TBCD: variants seen among roughly 807,000 people sequenced by gnomAD.
The protein encoded by TBCD is tubulin folding cofactor D.
In TBCD, 105 loss-of-function variants were observed where a neutral mutation model predicts 169.3. The ratio of observed to expected loss-of-function variants is 0.62; its 90% CI spans 0.53 to 0.73. The LOEUF (loss-of-function observed/expected upper bound fraction) is 0.73, where lower values mean the gene tolerates loss of function less well. Ranked by LOEUF, TBCD falls within the 30% of genes least tolerant of loss-of-function variation. TBCD has a pLI of 0.00. For missense variants in TBCD, 1,444 were observed against 1,600.1 expected, an observed-to-expected ratio of 0.90 and a Z score of 1.66; for synonymous variants, 700 against 643.9, an observed-to-expected ratio of 1.09 and a Z score of -1.32.
chr17:82,832,221 C>G lies in TBCD; in HGVS notation c.1318+17287C>G, dbSNP rs970233629. 8.1e-6 allele frequency: 13 copies of G among 1,614,222 alleles called. No individual in the cohort carries two copies. The Admixed American group carries it at 2.0e-4, about 25-fold the overall frequency. Reference sequence around the variant, plus strand: ...AGGCTGGCTTCGCCGTGGCATCGGGCTGGTTGGTTTGCTTGGGGTCTAGTG... The same window carrying G: ...AGGCTGGCTTCGCCGTGGCATCGGGGTGGTTGGTTTGCTTGGGGTCTAGTG... On this transcript the variant is annotated intron_variant, in intron 13 of 38. Coordinates refer to ENST00000355528, the MANE Select transcript of TBCD (RefSeq NM_005993.5). The surrounding 1 kb of genome is among the most constrained non-coding windows in gnomAD (Gnocchi z 4.9).
chr17:82,761,585 T>C (rs772113776), intron 2 of TBCD, among the ~76,000 whole-genome samples: 5 of 152,232 alleles, frequency 3.3e-5, no homozygotes, highest in Admixed American at 6.5e-5. Flanking sequence ...TAGTTTTGCC[T>C]GTTCTAGAAT....
chr17:82,941,727 TG>T (rs2063297568), intron 38 of TBCD: 2 of 524,060 alleles, frequency 3.8e-6, no homozygotes, highest in Non-Finnish European at 6.7e-6. Flanking sequence ...GGGGAGTGGG[TG>T]GAGCTGGCAC....
At position 82,805,974 on chromosome 17, in the gene TBCD, A is replaced by G; in HGVS notation, c.1050A>G (p.Glu350=). Residue 350 remains glutamate (E), a synonymous_variant, in exon 10 of 39, where the codon GAA becomes GAG. Transcript: ENST00000355528. ...KPLILTEDDD[E]DDDVPEGVER... ...TCATCCTGACCGAAGATGACGACGA[A>G]GATGACGACGTCCCAGAGGGGGTGG... 1 of 1,613,784 alleles carries G rather than the reference A, an allele frequency of 6.2e-7. No homozygotes were observed. The highest frequency in any genetic ancestry group is 1.1e-5 in the South Asian group (1 of 91,082).
chr17:82,760,395 T>C (rs2047691841), intron 2 of TBCD, among the ~76,000 whole-genome samples: 1 of 152,238 alleles, frequency 6.6e-6, no homozygotes, highest in African/African-American at 2.4e-5. Context: ...TCTCTAATTA[T>C]TCACATCTTT....
intron 1 of TBCD, among the ~76,000 whole-genome samples, chr17:82,753,447 CTTTTTTTTT>C (rs59839519): frequency 9.6e-6 from 1 of 104,292 alleles, no homozygotes; most frequent in South Asian, 3.3e-4. Context: ...TGGCTTCTTC[CTTTTTTTTT>C]TTTTTTTTTT....
chr17:82,902,707 A>C (rs567639242), intron 18 of TBCD, among the ~76,000 whole-genome samples: 30 of 152,210 alleles, frequency 2.0e-4, no homozygotes, highest in African/African-American at 5.5e-4. Flanking sequence ...GAGGACAGAC[A>C]CCCGCCTTCT....
chr17:82,885,301 TTCTC>T (rs556159295), intron 15 of TBCD, among the ~76,000 whole-genome samples: 2 of 151,594 alleles, frequency 1.3e-5, no homozygotes, highest in African/African-American at 2.4e-5. Flanking sequence ...GCAGTGTTGG[TTCTC>T]TCTCTCTCTC....
At chr17:82,801,342 T>G (rs1349479185) in intron 9 of TBCD, among the ~76,000 whole-genome samples, 1 of 152,206 alleles carries the variant, frequency 6.6e-6, no homozygotes, top group Admixed American at 6.5e-5. Flanking sequence ...TAGAAGTGTT[T>G]CTGATTTTGA....
intron 4 of TBCD, among the ~76,000 whole-genome samples, chr17:82,767,277 C>T (rs149950070): frequency 6.6e-6 from 1 of 152,236 alleles, no homozygotes; most frequent in Non-Finnish European, 1.5e-5. Flanking sequence ...GACTGATGAG[C>T]GCTGTGGGGC....
intron 13 of TBCD, among the ~76,000 whole-genome samples, chr17:82,847,340 G>A (rs143280817): frequency 0.012 from 1,652 of 134,880 alleles, 39 homozygotes; most frequent in African/African-American, 0.043. Context: ...GCAACAGAGC[G>A]AGACTCCATG....
In TBCD at chr17:82,903,044, C is replaced by T. The variant is rs975590858; in HGVS notation, c.1731-361C>T. ...GTGGGTGAGCCTCAGGAAATTCCTT[C>T]TGTTCACCCCTTGTAATCGTGGAGG... On this transcript the variant is annotated intron_variant, in intron 18 of 38. Transcript: ENST00000355528. This position sits in a 1 kb window ranked among gnomAD's most constrained non-coding sequence, Gnocchi z 4.8. 6.6e-6 allele frequency among the ~76,000 whole-genome samples: 1 copy of T among 152,208 alleles called. No individual in the cohort carries two copies. Among genetic ancestry groups the T allele is most frequent in the Non-Finnish European group, 1.5e-5 (1 of 68,034 alleles).
intron 28 of TBCD, 53 bp from the exon 29 acceptor site, chr17:82,927,133 G>A: frequency 6.2e-7 from 1 of 1,609,108 alleles, no homozygotes; most frequent in Non-Finnish European, 8.5e-7. Context: ...CTGCGATGTG[G>A]AAGATGAGGC....
chr17:82,928,699 C>T (rs919117781), intron 30 of TBCD, among the ~76,000 whole-genome samples: 6 of 152,106 alleles, frequency 3.9e-5, no homozygotes, highest in African/African-American at 1.4e-4. Context: ...TCACCTCTTT[C>T]TCTTTCCCCC....
At chr17:82,786,794 T>G (rs2049344234) in intron 7 of TBCD, among the ~76,000 whole-genome samples, 1 of 151,064 alleles carries the variant, frequency 6.6e-6, no homozygotes, top group South Asian at 2.1e-4. Flanking sequence ...AGTTCTGCAG[T>G]TTCTTTGTTG....
intron 35 of TBCD, 102 bp from the exon 36 acceptor site, chr17:82,937,947 C>T (rs553311993): frequency 1.3e-6 from 2 of 1,555,342 alleles, no homozygotes; most frequent in East Asian, 2.4e-5. Flanking sequence ...GCTCACGGAT[C>T]TGCTCTGCCC....
chr17:82,907,698 G>T (rs149126155), intron 20 of TBCD, 63 bp from the exon 21 acceptor site: 3 of 1,584,842 alleles, frequency 1.9e-6, no homozygotes, highest in East Asian at 4.5e-5. Flanking sequence ...CAGCTCCTCC[G>T]AGTGTACTCG....
At position 82,763,291 on chromosome 17, in the gene TBCD, A is replaced by T. The variant is rs553764265; in HGVS notation, c.236-674A>T. ...TTTATTATCATGAAACATTCTGTTT[A>T]TCTCTGATGGTAATGCTTGTTCTGA... is the stretch of plus-strand genomic sequence containing the variant. On this transcript the variant is annotated intron_variant, in intron 2 of 38. Transcript: ENST00000355528. Among the ~76,000 whole-genome samples, 8 of 152,342 alleles carry T rather than the reference A, an allele frequency of 5.3e-5. No individual in the cohort carries two copies. The South Asian group carries it at 1.7e-3, about 32-fold the overall frequency.
chr17:82,906,164 A>G (rs1040942960), intron 20 of TBCD, 111 bp downstream of exon 20: 3 of 839,706 alleles, frequency 3.6e-6, no homozygotes, highest in South Asian at 1.6e-5. Flanking sequence ...ATTTTTGTTT[A>G]TCTGCACCAG....
At chr17:82,924,378 G>T (rs3826308) in intron 26 of TBCD, among the ~76,000 whole-genome samples, 1 of 152,148 alleles carries the variant, frequency 6.6e-6, no homozygotes, top group South Asian at 2.1e-4. Context: ...GCCGTGTCCC[G>T]TGCGTAGCTG....
Sources: gnomAD v4.1 joint callset for allele counts (sites outside exome capture counted in the v4.1 genomes callset) on GRCh38, gnomAD v4.1.1 for gene constraint, Gnocchi (gnomAD v3.1) non-coding constraint, MANE v1.5 for transcripts, NCBI Gene and HGNC (gene_info 2026-07-23, HGNC 2026-07-21) for gene names.